PTPRT: variants seen among roughly 807,000 people sequenced by gnomAD.
PTPRT encodes the protein protein tyrosine phosphatase receptor type T, also known as receptor-type tyrosine-protein phosphatase T.
In PTPRT, 56 loss-of-function variants were observed where a neutral mutation model predicts 176.8. The observed-to-expected ratio is 0.32, with a 90% confidence interval of 0.26 to 0.40. PTPRT has a LOEUF of 0.40. Ranked by LOEUF, PTPRT falls within the 10% of genes least tolerant of loss-of-function variation. The pLI is 1.00. For synonymous variants in PTPRT, 783 were observed against 739.0 expected, an observed-to-expected ratio of 1.06 and a Z score of -0.96; for missense variants, 1,540 against 1,908.2, an observed-to-expected ratio of 0.81 and a Z score of 3.60.
At chr20:43,169,904 A>AT (rs1280776462) in intron 1 of PTPRT, among the ~76,000 whole-genome samples, 1 of 152,176 alleles carries the variant, frequency 6.6e-6, no homozygotes, top group Non-Finnish European at 1.5e-5. Flanking sequence ...GGAGGAAAAA[A>AT]CAAGAGCTTT....
chr20:43,076,498 A>C (rs189894136), intron 1 of PTPRT, among the ~76,000 whole-genome samples: 4 of 152,320 alleles, frequency 2.6e-5, no homozygotes, highest in African/African-American at 9.6e-5. Context: ...GTGGTCTTCA[A>C]CTGACCTTTT....
chr20:42,249,890 G>A (rs1020486746), intron 13 of PTPRT, among the ~76,000 whole-genome samples: 3 of 152,200 alleles, frequency 2.0e-5, no homozygotes, highest in Non-Finnish European at 4.4e-5. Flanking sequence ...ATCAGCACCC[G>A]AAGTGAATTT....
chr20:42,325,086 TCA>T (rs1379971996), intron 11 of PTPRT, among the ~76,000 whole-genome samples: 4 of 152,146 alleles, frequency 2.6e-5, no homozygotes, highest in Non-Finnish European at 4.4e-5. Context: ...TGCTTAGAGC[TCA>T]GAGTGGAGAA....
intron 1 of PTPRT, among the ~76,000 whole-genome samples, chr20:43,104,772 C>T (rs1165743527): frequency 1.3e-5 from 2 of 152,122 alleles, no homozygotes; most frequent in South Asian, 2.1e-4. Context: ...GCAGACTCTT[C>T]GCAGAATTCA....
intron 8 of PTPRT, among the ~76,000 whole-genome samples, chr20:42,461,861 G>A (rs2071025706): frequency 6.6e-6 from 1 of 151,836 alleles, no homozygotes; most frequent in Non-Finnish European, 1.5e-5. Flanking sequence ...GATAGAGCTG[G>A]GTGTTTCTGG....
intron 11 of PTPRT, among the ~76,000 whole-genome samples, chr20:42,319,726 G>C (rs2057772912): frequency 6.6e-6 from 1 of 152,164 alleles, no homozygotes; most frequent in Admixed American, 6.5e-5. Flanking sequence ...ACAAGAAATT[G>C]GGTATTATTT....
intron 1 of PTPRT, among the ~76,000 whole-genome samples, chr20:43,068,525 G>T (rs1382137340): frequency 9.7e-5 from 13 of 134,614 alleles, no homozygotes; most frequent in Non-Finnish European, 1.7e-4. Context: ...AAAAAAAAAA[G>T]CCAATTAGGG....
chr20:43,170,516 C>T (rs2014970320), intron 1 of PTPRT, among the ~76,000 whole-genome samples: 1 of 152,170 alleles, frequency 6.6e-6, no homozygotes, highest in Non-Finnish European at 1.5e-5. Flanking sequence ...TCCTAATGAA[C>T]AGAAGTGAAC....
At chr20:42,569,976 C>G (rs909967340) in intron 7 of PTPRT, among the ~76,000 whole-genome samples, 2 of 152,112 alleles carry the variant, frequency 1.3e-5, no homozygotes, top group Admixed American at 6.6e-5. Context: ...CACTGAAGAC[C>G]AGAAGGTTTA....
intron 5 of PTPRT, among the ~76,000 whole-genome samples, chr20:42,763,090 A>G (rs1032991191): frequency 9.2e-5 from 14 of 152,208 alleles, no homozygotes; most frequent in Non-Finnish European, 1.5e-4. Flanking sequence ...GAACCACCTA[A>G]AGAGGAAGGC....
At position 42,276,496 on chromosome 20, in the gene PTPRT, AATATATATATATATATATAT is replaced by A. The variant is rs61484693; in HGVS notation, c.2176+5973_2176+5992del. Among the ~76,000 whole-genome samples, 257 of 44,128 alleles carry A rather than the reference AATATATATATATATATATAT, an allele frequency of 5.8e-3. 7 individuals carry two copies. The highest frequency in any genetic ancestry group is 0.014 in the African/African-American group (181 of 13,194). 28.9% of individuals were successfully genotyped at this position (44,128 alleles called of 152,430 possible). A position where few individuals can be genotyped will look rare whatever the true frequency, so the allele number is the denominator to read the frequency against. On this transcript the variant is annotated intron_variant, in intron 13 of 30. Transcript: ENST00000373187. ...TCAGAAAGGAAGAGAGAAAGAAGGA[AATATATATATATATATATAT>A]ATATATATATATATATATATATATA...
chr20:42,679,632 G>C (rs927662178), intron 6 of PTPRT, among the ~76,000 whole-genome samples: 1 of 152,138 alleles, frequency 6.6e-6, no homozygotes, highest in Non-Finnish European at 1.5e-5. Flanking sequence ...CAATATTTAT[G>C]TACTGACACA....
intron 1 of PTPRT, among the ~76,000 whole-genome samples, chr20:43,047,111 A>C (rs1275511399): frequency 6.7e-6 from 1 of 150,320 alleles, no homozygotes; most frequent in Non-Finnish European, 1.5e-5. Flanking sequence ...TATGCCTCAT[A>C]ATCTGTTTTC....
intron 1 of PTPRT, among the ~76,000 whole-genome samples, chr20:43,036,497 G>A (rs1369162323): frequency 3.3e-5 from 5 of 151,830 alleles, no homozygotes; most frequent in African/African-American, 9.7e-5. Flanking sequence ...TTGTCATAAG[G>A]TTTTGTAGGA....
At chr20:42,626,450 A>C (rs1001756441) in intron 7 of PTPRT, among the ~76,000 whole-genome samples, 2 of 152,186 alleles carry the variant, frequency 1.3e-5, no homozygotes, top group African/African-American at 4.8e-5. Flanking sequence ...CATGTTTCCA[A>C]AATTTGCTCA....
At chr20:42,249,255 T>C (rs2056508814) in intron 13 of PTPRT, among the ~76,000 whole-genome samples, 1 of 152,204 alleles carries the variant, frequency 6.6e-6, no homozygotes, top group African/African-American at 2.4e-5. Flanking sequence ...GGCAACACAA[T>C]TTAAATAACT....
At chr20:42,212,017 AAACATC>A (rs1331662572) in intron 15 of PTPRT, among the ~76,000 whole-genome samples, 3 of 143,866 alleles carry the variant, frequency 2.1e-5, no homozygotes, top group South Asian at 2.2e-4. Flanking sequence ...TGAAACTGGA[AAACATC>A]ATTCTCAGTA....
chr20:42,856,769 G>A (rs892883119), intron 2 of PTPRT, among the ~76,000 whole-genome samples: 3 of 152,028 alleles, frequency 2.0e-5, no homozygotes, highest in Non-Finnish European at 2.9e-5. Flanking sequence ...TAAAAACCAA[G>A]TTCACGTATT....
At chr20:42,464,134 G>A (rs2071066328) in intron 8 of PTPRT, among the ~76,000 whole-genome samples, 1 of 152,134 alleles carries the variant, frequency 6.6e-6, no homozygotes, top group Non-Finnish European at 1.5e-5. Context: ...TTTGAATATA[G>A]CTAAAAGACG....
Sources: allele counts gnomAD v4.1 joint callset (sites outside exome capture counted in the v4.1 genomes callset), GRCh38; gene constraint gnomAD v4.1.1; transcripts MANE v1.5; gene names NCBI Gene and HGNC (gene_info 2026-07-23, HGNC 2026-07-21).